The following KIDINS220 variants were observed in gnomAD, a reference collection of about 807,000 sequenced individuals.
The protein encoded by KIDINS220 is kinase D-interacting substrate of 220 kDa.
In KIDINS220, 63 loss-of-function variants were observed where a neutral mutation model predicts 157.6. The ratio of observed to expected loss-of-function variants is 0.40; its 90% CI spans 0.33 to 0.49. The LOEUF (loss-of-function observed/expected upper bound fraction) is 0.49. KIDINS220 is among the 20% of genes least tolerant of loss of function. The probability of loss-of-function intolerance (pLI) is 0.66; values close to 1 mark genes in which losing one functional copy is unlikely to be tolerated. For synonymous variants in KIDINS220, 732 were observed against 783.6 expected, an observed-to-expected ratio of 0.93 and a Z score of 1.10; for missense variants, 1,772 against 2,171.2, an observed-to-expected ratio of 0.82 and a Z score of 3.65.
intron 26 of KIDINS220, chr2:8,746,859 C>T: frequency 2.7e-6 from 1 of 371,738 alleles, no homozygotes; most frequent in Non-Finnish European, 4.9e-6. Context: ...ACGGAACACC[C>T]CTGACAGCTG....
chr2:8,832,501 C>T (rs1050917249), intron 1 of KIDINS220, among the ~76,000 whole-genome samples: 2 of 152,152 alleles, frequency 1.3e-5, no homozygotes, highest in African/African-American at 4.8e-5. Flanking sequence ...ATAAGACCCC[C>T]ATATATGTAT....
At chr2:8,722,948 C>T (rs1663042763), downstream of KIDINS220, 2 of 152,312 alleles carry the variant, frequency 1.3e-5, no homozygotes, top group African/African-American at 2.4e-5. Context: ...CTCTAAAACC[C>T]TTCTTCCAGT....
At position 8,751,546 on chromosome 2, in the gene KIDINS220, G is replaced by C; in HGVS notation, c.3110C>G (p.Pro1037Arg). 1 of 1,613,418 alleles carries C rather than the reference G, an allele frequency of 6.2e-7. No individual in the cohort carries two copies. The highest frequency in any genetic ancestry group is 2.2e-5 in the East Asian group (1 of 44,852). ...NFEVFLSSRT[P>R]VLVARDVKVF... ...TTTTACATCTCGAGCCACAAGAACT[G>C]GGGTCCTTGAAGACAAAAACACTTC... Residue 1037 changes from proline (P) to arginine (R), a missense_variant, in exon 23 of 30, where the codon CCA becomes CGA. Pro to Arg is a moderately radical substitution (Grantham distance 103). Coordinates refer to ENST00000256707, the MANE Select transcript of KIDINS220 (RefSeq NM_020738.4).
intron 20 of KIDINS220, among the ~76,000 whole-genome samples, chr2:8,777,554 T>C (rs1232968372): frequency 1.3e-5 from 2 of 152,184 alleles, no homozygotes; most frequent in Non-Finnish European, 2.9e-5. Flanking sequence ...TTCCACTTAA[T>C]CCTCCCAAAG....
chr2:8,808,175 C>T (rs975025929), intron 6 of KIDINS220, among the ~76,000 whole-genome samples: 1 of 151,982 alleles, frequency 6.6e-6, no homozygotes, highest in Non-Finnish European at 1.5e-5. Context: ...TTCATTCCTG[C>T]ATCTGTGGTT....
chr2:8,761,480 T>C (rs913467242), intron 22 of KIDINS220, among the ~76,000 whole-genome samples: 9 of 152,230 alleles, frequency 5.9e-5, no homozygotes, highest in African/African-American at 2.2e-4. Context: ...TAGCCACTAT[T>C]TTCCCAAAAG....
chr2:8,791,496 A>C (rs981064487), intron 12 of KIDINS220, among the ~76,000 whole-genome samples: 11 of 152,208 alleles, frequency 7.2e-5, no homozygotes, highest in Non-Finnish European at 1.5e-5. Context: ...GATACTTATT[A>C]ATTATATGAT....
chr2:8,764,361 C>CA (rs898442372), intron 22 of KIDINS220, among the ~76,000 whole-genome samples: 1 of 152,002 alleles, frequency 6.6e-6, no homozygotes, highest in African/African-American at 2.4e-5. Context: ...ATCCATGCAA[C>CA]AAAAAACCAC....
At position 8,747,235 on chromosome 2, in the gene KIDINS220, A is replaced by C. The variant is rs372112036; in HGVS notation, c.3529-34T>G. The C allele has an allele frequency of 2.6e-5, 41 of 1,600,558 alleles. 1 individual carries two copies. In the African/African-American group the frequency reaches 3.1e-4, roughly 12 times the overall value. ...ACAAAACAGGAGAGTGTGGGTGAAA[A>C]GGGGAAGGGGGGAGCCAAACTGTGA... On this transcript the variant is annotated intron_variant, in intron 25 of 29. Coordinates refer to ENST00000256707, the MANE Select transcript of KIDINS220 (RefSeq NM_020738.4).
At chr2:8,727,295 G>A (rs1663417303), downstream of KIDINS220, 1 of 1,043,358 alleles carries the variant, frequency 9.6e-7, no homozygotes. Flanking sequence ...AATAAAGGAG[G>A]CTCGATGCTC....
At chr2:8,825,626 C>T (rs950465276) in intron 2 of KIDINS220, 26 of 152,020 alleles carry the variant, frequency 1.7e-4, no homozygotes, top group African/African-American at 6.3e-4. Context: ...AAAAACCACT[C>T]CTTATTCATC....
intron 1 of KIDINS220, among the ~76,000 whole-genome samples, chr2:8,828,281 G>A (rs1439132397): frequency 6.6e-6 from 1 of 152,130 alleles, no homozygotes; most frequent in Admixed American, 6.5e-5. Flanking sequence ...CTTACCCCCT[G>A]ACCCCGTCAG....
rs780122754 is a variant in KIDINS220 at position 8,751,614 on chromosome 2, A to G, written c.3042T>C (p.Asp1014=). ...RISKNIPTTK[D]VEPLLEIDGD... ...CATCAATTTCAAGAAGTGGCTCAAC[A>G]TCCTTAGTTGTTGGAATATTCTTTG... The change falls in exon 23 of 30, where the codon GAT becomes GAC. Residue 1014 remains aspartate (D), a synonymous_variant. Transcript: ENST00000256707. The G allele has an allele frequency of 1.4e-5, 23 of 1,604,480 alleles. No individual in the cohort carries two copies. Among genetic ancestry groups the G allele is most frequent in the Non-Finnish European group, 1.9e-5 (22 of 1,175,414 alleles).
intron 29 of KIDINS220, among the ~76,000 whole-genome samples, chr2:8,732,984 G>A (rs1418970605): frequency 6.6e-6 from 1 of 152,180 alleles, no homozygotes; most frequent in African/African-American, 2.4e-5. Context: ...TACATCTAAT[G>A]CCAGACCAGA....
chr2:8,747,088 T>C (rs1666685314), intron 26 of KIDINS220, 57 bp downstream of exon 26: 1 of 1,486,144 alleles, frequency 6.7e-7, no homozygotes. Context: ...AGACAGTCAT[T>C]ACTGAGGCAG....
At chr2:8,783,374 T>C (rs955447774) in intron 17 of KIDINS220, among the ~76,000 whole-genome samples, 8 of 152,174 alleles carry the variant, frequency 5.3e-5, no homozygotes, top group Non-Finnish European at 8.8e-5. Flanking sequence ...TCATACTTAA[T>C]GGTGAGAACA....
In KIDINS220 at chr2:8,733,558, C is replaced by T. The variant is rs1477372093; in HGVS notation, c.3939G>A (p.Leu1313=). The T allele has an allele frequency of 6.2e-7, 1 of 1,614,128 alleles. No homozygotes were observed. Among genetic ancestry groups the T allele is most frequent in the Non-Finnish European group, 8.5e-7 (1 of 1,180,032 alleles). Reference sequence around the variant, plus strand: ...TCTGGCTGGAGAGCTCGGTGTGAGGCAGCTCGTTGTGGGAAGCGCGGCGAG... The same window carrying T: ...TCTGGCTGGAGAGCTCGGTGTGAGGTAGCTCGTTGTGGGAAGCGCGGCGAG... ...EPARRASHNE[L]PHTELSSQTP... The change falls in exon 29 of 30, where the codon CTG becomes CTA. Residue 1313 remains leucine, a synonymous_variant. Coordinates refer to ENST00000256707, the MANE Select transcript of KIDINS220 (RefSeq NM_020738.4).
intron 11 of KIDINS220, among the ~76,000 whole-genome samples, chr2:8,796,310 T>G (rs531021456): frequency 4.7e-4 from 72 of 152,206 alleles, no homozygotes; most frequent in Non-Finnish European, 8.4e-4. Flanking sequence ...TGAAGCCACT[T>G]AGAGCTAAAC....
At chr2:8,780,549 GGTGT>G (rs371272570) in intron 17 of KIDINS220, among the ~76,000 whole-genome samples, 1 of 149,266 alleles carries the variant, frequency 6.7e-6, no homozygotes, top group Non-Finnish European at 1.5e-5. Context: ...TGTGGTGGGG[GGTGT>G]GTGTGTGTGT....
Sources: gnomAD v4.1 joint callset for allele counts (sites outside exome capture counted in the v4.1 genomes callset) on GRCh38, gnomAD v4.1.1 for gene constraint, MANE v1.5 for transcripts, NCBI Gene and HGNC (gene_info 2026-07-23, HGNC 2026-07-21) for gene names.